The following HS2ST1 variants were observed in gnomAD, a reference collection of about 807,000 sequenced individuals.
The protein encoded by HS2ST1 is 2-O-sulfotransferase.
HS2ST1 carries 18 observed loss-of-function variants against 42.9 expected under a neutral mutation model. That is an observed-to-expected ratio of 0.42 (90% confidence interval 0.29 to 0.62). HS2ST1 has a LOEUF of 0.62. HS2ST1 is among the 20% of genes least tolerant of loss of function. The pLI, the probability that HS2ST1 is intolerant of heterozygous loss-of-function variation, is 0.21. For synonymous variants in HS2ST1, 146 were observed against 152.9 expected, an observed-to-expected ratio of 0.95 and a Z score of 0.33; for missense variants, 334 against 433.8, an observed-to-expected ratio of 0.77 and a Z score of 2.04.
chr1:87,036,336 C>G (rs149211026), intron 1 of HS2ST1, among the ~76,000 whole-genome samples: 40 of 152,248 alleles, frequency 2.6e-4, no homozygotes, highest in African/African-American at 9.1e-4. Context: ...ATTGCTGGGT[C>G]AAATGGTATT....
At chr1:87,045,297 C>G in intron 1 of HS2ST1, 6 of 1,139,246 alleles carry the variant, frequency 5.3e-6, no homozygotes, top group Non-Finnish European at 8.0e-6. Context: ...AAGTAATCTG[C>G]TTGAAGCCAG....
chr1:86,919,046 G>A (rs1050188249), intron 1 of HS2ST1, among the ~76,000 whole-genome samples: 2 of 151,022 alleles, frequency 1.3e-5, no homozygotes, highest in African/African-American at 4.9e-5. Flanking sequence ...GCACGATTTC[G>A]GCTCACTCCT....
intron 1 of HS2ST1, among the ~76,000 whole-genome samples, chr1:86,923,690 C>T (rs1190587326): frequency 6.6e-6 from 1 of 152,234 alleles, no homozygotes; most frequent in Admixed American, 6.5e-5. Context: ...GCCACTTCGC[C>T]TGGCGGGAAT....
rs1652423195 is a variant in HS2ST1, at chr1:87,109,636, T to G, written c.*4940T>G. The stretch of plus-strand genomic sequence containing the variant: ...ATTCTTAGCCACTGGCTCATTGCTT[T>G]GAGCAATGCTTGATTGATTCTATTT... On this transcript the variant is annotated 3_prime_UTR_variant, in exon 7 of 7. Coordinates refer to ENST00000370550, the MANE Select transcript of HS2ST1 (RefSeq NM_012262.4). The G allele has an allele frequency of 6.6e-6, 1 of 152,092 alleles. No individual in the cohort carries two copies. Among genetic ancestry groups the G allele is most frequent in the Admixed American group, 6.6e-5 (1 of 15,258 alleles). The allele number at this position is 152,092 out of a possible 1,614,324, so 9.4% of individuals were successfully genotyped here.
chr1:87,083,674 T>G (rs1178001426), intron 2 of HS2ST1, among the ~76,000 whole-genome samples: 1 of 152,224 alleles, frequency 6.6e-6, no homozygotes, highest in Non-Finnish European at 1.5e-5. Context: ...TCAACAAGCT[T>G]GTGATATCTG....
chr1:87,052,534 C>T (rs1557529206), intron 1 of HS2ST1, among the ~76,000 whole-genome samples: 1 of 152,158 alleles, frequency 6.6e-6, no homozygotes, highest in Non-Finnish European at 1.5e-5. Flanking sequence ...ACAGTTTATG[C>T]TCAAGAACAA....
chr1:87,097,367 G>A (rs1286662148), intron 4 of HS2ST1, among the ~76,000 whole-genome samples: 1 of 152,100 alleles, frequency 6.6e-6, no homozygotes, highest in Non-Finnish European at 1.5e-5. Context: ...CCTGTTACAA[G>A]GCAGTATGTG....
At chr1:86,990,836 ATTTTT>A (rs55739816) in intron 1 of HS2ST1, among the ~76,000 whole-genome samples, 1,370 of 43,974 alleles carry the variant, frequency 0.031, 43 homozygotes, top group East Asian at 0.14. Flanking sequence ...ATATATATAT[ATTTTT>A]TTTTTTTTTT....
intron 3 of HS2ST1, among the ~76,000 whole-genome samples, chr1:87,091,183 T>C (rs565575945): frequency 6.6e-6 from 1 of 152,038 alleles, no homozygotes; most frequent in East Asian, 1.9e-4. Flanking sequence ...TCTGGCAATA[T>C]TGGGTTCATA....
rs1651974240 is a variant in HS2ST1, at chr1:87,092,684, T to C, written c.588+15T>C. 1.3e-6 allele frequency: 2 copies of C among 1,486,564 alleles called. No homozygotes were observed. The highest frequency in any genetic ancestry group is 1.5e-5 in the African/African-American group (1 of 68,418). The allele number at this position is 1,486,564 out of a possible 1,614,324, so 92.1% of individuals were successfully genotyped here. On this transcript the variant is annotated intron_variant, in intron 4 of 6. Transcript: ENST00000370550. ...GAGACAAAAAGGTAATATTTTAGTT[T>C]TAAGATTTTTATAAAGATAATTGTT...
At chr1:87,005,120 C>T (rs1570478339) in intron 1 of HS2ST1, among the ~76,000 whole-genome samples, 2 of 152,076 alleles carry the variant, frequency 1.3e-5, no homozygotes, top group African/African-American at 4.8e-5. Context: ...TTCTTTGTAT[C>T]AATATCTTTT....
chr1:87,069,450 T>C (rs190321686), intron 1 of HS2ST1, among the ~76,000 whole-genome samples: 1 of 152,326 alleles, frequency 6.6e-6, no homozygotes, highest in Non-Finnish European at 1.5e-5. Context: ...GAATTATAAC[T>C]ATCTAATACT....
At chr1:86,967,756 A>T (rs1364362146) in intron 1 of HS2ST1, among the ~76,000 whole-genome samples, 2 of 152,198 alleles carry the variant, frequency 1.3e-5, no homozygotes, top group Non-Finnish European at 2.9e-5. Flanking sequence ...GCTGCAACAA[A>T]CATTTATGTG....
Position 86,977,586 on chromosome 1 carries a change from A to G in HS2ST1, c.124+62426A>G, listed in dbSNP as rs149114419. On this transcript the variant is annotated intron_variant, in intron 1 of 6. Transcript: ENST00000370550. ...ATCTGAGCATATGGAAGACCATCTA[A>G]TAAAATATCAAGTCTTGTACTTAAA... Among the ~76,000 whole-genome samples, 580 of 152,378 alleles carry G rather than the reference A, an allele frequency of 3.8e-3. 4 individuals are homozygous for G. The highest frequency in any genetic ancestry group is 0.02 in the Middle Eastern group (6 of 294).
intron 1 of HS2ST1, among the ~76,000 whole-genome samples, chr1:87,034,090 T>C (rs1650311433): frequency 6.6e-6 from 1 of 152,224 alleles, no homozygotes; most frequent in Non-Finnish European, 1.5e-5. Flanking sequence ...TAATAGTTCT[T>C]TGGTAAGTCT....
chr1:87,078,905 C>T (rs899167914), intron 2 of HS2ST1, among the ~76,000 whole-genome samples: 4 of 152,004 alleles, frequency 2.6e-5, no homozygotes, highest in Admixed American at 1.3e-4. Context: ...TGGGACTAGA[C>T]TGATGAGAGA....
chr1:87,100,062 C>A (rs1176278301), intron 5 of HS2ST1, among the ~76,000 whole-genome samples: 2 of 152,172 alleles, frequency 1.3e-5, no homozygotes, highest in Non-Finnish European at 1.5e-5. Flanking sequence ...TGTAGTTTTT[C>A]CAGGCAAAGC....
chr1:86,975,191 G>A (rs1037100840), intron 1 of HS2ST1, among the ~76,000 whole-genome samples: 1 of 151,918 alleles, frequency 6.6e-6, no homozygotes, highest in South Asian at 2.1e-4. Context: ...AGTTTTATAC[G>A]CATATTTTAA....
At chr1:87,027,949 C>T (rs932992961) in intron 1 of HS2ST1, among the ~76,000 whole-genome samples, 7 of 152,206 alleles carry the variant, frequency 4.6e-5, no homozygotes, top group African/African-American at 9.6e-5. Context: ...CTCGGCCTCC[C>T]GAAGTGCTGG....
Sources: gnomAD v4.1 joint callset for allele counts (sites outside exome capture counted in the v4.1 genomes callset) on GRCh38, gnomAD v4.1.1 for gene constraint, MANE v1.5 for transcripts, NCBI Gene and HGNC (gene_info 2026-07-23, HGNC 2026-07-21) for gene names.